Variants in GLCE observed in about 807,000 individuals in gnomAD.
GLCE encodes the protein D-glucuronyl C5-epimerase.
Under a neutral mutation model 47.9 loss-of-function variants are expected in GLCE, and 19 were observed. The observed-to-expected ratio is 0.40, with a 90% CI of 0.28 to 0.58. The LOEUF (loss-of-function observed/expected upper bound fraction) is 0.58, where lower values mean the gene tolerates loss of function less well. Among genes scored for constraint, GLCE ranks in the 20% least tolerant of loss-of-function variants. The pLI is 0.48. For missense variants in GLCE, 556 were observed against 743.3 expected (o/e 0.75, Z 2.93); for synonymous variants, 245 against 263.4 (o/e 0.93, Z 0.68).
At chr15:69,256,761 G>A (rs1462052020) in intron 3 of GLCE, among the ~76,000 whole-genome samples, 1 of 152,206 alleles carries the variant, frequency 6.6e-6, no homozygotes, top group Non-Finnish European at 1.5e-5. Flanking sequence ...ATGTACCAGT[G>A]TGGTCTGGTT....
In GLCE at chr15:69,268,090, A is replaced by T. The variant is rs904033040; in HGVS notation, c.830-130A>T. 1.1e-4 allele frequency: 67 copies of T among 596,550 alleles called. 1 individual carries two copies. The East Asian group carries it at 1.9e-3, about 17-fold the overall frequency. 37.0% of individuals were successfully genotyped at this position (596,550 alleles called of 1,614,324 possible). ...TTAATAAAAAATAAAATTACAAATG[A>T]TCTGATACTAAAAATATGTAAGTGT... On this transcript the variant is annotated intron_variant, in intron 4 of 4. Coordinates refer to ENST00000261858, the MANE Select transcript of GLCE (RefSeq NM_015554.3).
Position 69,270,480 on chromosome 15 carries a change from T to C in GLCE, c.*1236T>C, listed in dbSNP as rs905935364. The C allele has an allele frequency of 6.6e-5, 10 of 152,192 alleles. No individual in the cohort carries two copies. The highest frequency in any genetic ancestry group is 1.5e-4 in the Non-Finnish European group (10 of 68,042). 9.4% of individuals were successfully genotyped at this position (152,192 alleles called of 1,614,324 possible). Reference sequence around the variant, plus strand: ...CAATGGGCAGTGTCTGCTATAGGGCTTCAGGCATTAAATAAAACCGAGGGT... The same window carrying C: ...CAATGGGCAGTGTCTGCTATAGGGCCTCAGGCATTAAATAAAACCGAGGGT... On this transcript the variant is annotated 3_prime_UTR_variant, in exon 5 of 5. Coordinates refer to ENST00000261858, the MANE Select transcript of GLCE (RefSeq NM_015554.3).
intron 2 of GLCE, among the ~76,000 whole-genome samples, chr15:69,220,089 G>GTA (rs1416187512): frequency 6.6e-6 from 1 of 152,182 alleles, no homozygotes; most frequent in East Asian, 1.9e-4. Context: ...TTTGTTGTAT[G>GTA]TATATACCAC....
chr15:69,257,794 T>A (rs750688959), intron 3 of GLCE, among the ~76,000 whole-genome samples: 1 of 152,048 alleles, frequency 6.6e-6, no homozygotes, highest in South Asian at 2.1e-4. Flanking sequence ...ATGTTTACTA[T>A]ACAGTGATTC....
At chr15:69,214,416 G>A (rs2052276668) in intron 2 of GLCE, among the ~76,000 whole-genome samples, 1 of 151,998 alleles carries the variant, frequency 6.6e-6, no homozygotes, top group Admixed American at 6.6e-5. Context: ...GGTTTTATAA[G>A]TGTCTGACAG....
chr15:69,185,667 A>G (rs541155102), intron 1 of GLCE, among the ~76,000 whole-genome samples: 4 of 152,036 alleles, frequency 2.6e-5, no homozygotes, highest in Non-Finnish European at 4.4e-5. Context: ...CACCACCACA[A>G]AAATCATCAT....
intron 1 of GLCE, among the ~76,000 whole-genome samples, chr15:69,174,420 G>C (rs1212755046): frequency 6.6e-6 from 1 of 151,148 alleles, no homozygotes; most frequent in African/African-American, 2.4e-5. Context: ...GACCAACCTG[G>C]CCTACATGGT....
At chr15:69,174,690 T>G (rs1222564376) in intron 1 of GLCE, among the ~76,000 whole-genome samples, 1 of 152,162 alleles carries the variant, frequency 6.6e-6, no homozygotes, top group East Asian at 1.9e-4. Context: ...TTCAGTTGTT[T>G]AAATCTAAAA....
At chr15:69,163,612 G>A (rs550302191) in intron 1 of GLCE, among the ~76,000 whole-genome samples, 1 of 152,160 alleles carries the variant, frequency 6.6e-6, no homozygotes, top group Non-Finnish European at 1.5e-5. Flanking sequence ...ATTGTGCTAC[G>A]TAAGCATACA....
chr15:69,203,117 G>C (rs1171096859), intron 1 of GLCE, among the ~76,000 whole-genome samples: 1 of 152,050 alleles, frequency 6.6e-6, no homozygotes, highest in African/African-American at 2.4e-5. Flanking sequence ...TGATTTCTGT[G>C]AACTTAGCAT....
At chr15:69,259,226 A>G (rs1040050410) in intron 3 of GLCE, among the ~76,000 whole-genome samples, 1 of 152,170 alleles carries the variant, frequency 6.6e-6, no homozygotes, top group African/African-American at 2.4e-5. Flanking sequence ...GTTTTTTAAA[A>G]ATGTATTTGT....
intron 2 of GLCE, among the ~76,000 whole-genome samples, chr15:69,253,900 T>A (rs2052884095): frequency 6.6e-6 from 1 of 152,204 alleles, no homozygotes; most frequent in African/African-American, 2.4e-5. Context: ...AAGAAAATAA[T>A]ATGCAACCAT....
chr15:69,182,079 G>C (rs2140341343), intron 1 of GLCE, among the ~76,000 whole-genome samples: 1 of 152,072 alleles, frequency 6.6e-6, no homozygotes, highest in Admixed American at 6.6e-5. Flanking sequence ...AGGGTCATAA[G>C]ATAAAAGTGA....
At chr15:69,250,856 C>T (rs2052833993) in intron 2 of GLCE, among the ~76,000 whole-genome samples, 1 of 149,896 alleles carries the variant, frequency 6.7e-6, no homozygotes, top group African/African-American at 2.5e-5. Context: ...AAAATAAAGA[C>T]CTATATATGC....
chr15:69,248,288 G>A (rs1053225435), intron 2 of GLCE, among the ~76,000 whole-genome samples: 3 of 152,036 alleles, frequency 2.0e-5, no homozygotes, highest in Non-Finnish European at 1.5e-5. Flanking sequence ...TTAAATCTTG[G>A]TCTATTAAGC....
At chr15:69,225,558 A>G (rs1595765845) in intron 2 of GLCE, among the ~76,000 whole-genome samples, 1 of 152,198 alleles carries the variant, frequency 6.6e-6, no homozygotes, top group East Asian at 1.9e-4. Flanking sequence ...TTTGTGGAAT[A>G]ATGAAGGTCT....
intron 1 of GLCE, among the ~76,000 whole-genome samples, chr15:69,179,574 C>T (rs1289042412): frequency 2.6e-5 from 4 of 152,302 alleles, no homozygotes; most frequent in Non-Finnish European, 2.9e-5. Context: ...AATCCCTGTG[C>T]CATCCCTATA....
At chr15:69,178,546 A>AT (rs1566948088) in intron 1 of GLCE, among the ~76,000 whole-genome samples, 1 of 152,166 alleles carries the variant, frequency 6.6e-6, no homozygotes, top group Non-Finnish European at 1.5e-5. Context: ...TCTCAGAACA[A>AT]TATCTGACAC....
chr15:69,177,605 GCATGCCCCTTTATTATCTTTACTT>G lies in GLCE; in HGVS notation c.-105+16871_-105+16894del, dbSNP rs1566947770. On this transcript the variant is annotated intron_variant, in intron 1 of 4. Coordinates refer to ENST00000261858, the MANE Select transcript of GLCE (RefSeq NM_015554.3). ...CCATCATCTCCAGAAGTTTCTTCAT[GCATGCCCCTTTATTATCTTTACTT>G]CATGCCCCTTTATTATCTTTACCTC... is the stretch of plus-strand genomic sequence containing the variant. 9.5e-5 allele frequency among the ~76,000 whole-genome samples: 14 copies of G among 147,658 alleles called. No individual in the cohort carries two copies. In the East Asian group the frequency reaches 1.6e-3, roughly 16 times the overall value.
Sources: gnomAD v4.1 joint callset for allele counts (sites outside exome capture counted in the v4.1 genomes callset) on GRCh38, gnomAD v4.1.1 for gene constraint, MANE v1.5 for transcripts, NCBI Gene and HGNC (gene_info 2026-07-23, HGNC 2026-07-21) for gene names.